The following LPCAT2 variants were observed in gnomAD, a reference collection of about 807,000 sequenced individuals.
The protein encoded by LPCAT2 is lysophosphatidylcholine acyltransferase 2.
A neutral mutation model predicts 64.7 loss-of-function variants in LPCAT2; 58 were observed. The observed-to-expected ratio is 0.90, with a 90% confidence interval of 0.73 to 1.12. LPCAT2 has a LOEUF of 1.12. Among genes scored for constraint, LPCAT2 ranks in the 50% most tolerant of loss-of-function variants. LPCAT2 has a pLI of 0.00. For synonymous variants in LPCAT2, 252 were observed against 245.3 expected (o/e 1.03, Z -0.26); for missense variants, 579 against 669.8 (o/e 0.86, Z 1.50).
chr16:55,539,221 A>G (rs1215484738), intron 8 of LPCAT2: 1 of 141,890 alleles, frequency 7.0e-6, no homozygotes, highest in Non-Finnish European at 1.5e-5. Context: ...CATTATTACC[A>G]CATTTCCTTT....
chr16:55,517,758 G>T (rs1470762877), intron 1 of LPCAT2, among the ~76,000 whole-genome samples: 3 of 152,096 alleles, frequency 2.0e-5, no homozygotes, highest in Non-Finnish European at 2.9e-5. Context: ...AAAACGATTT[G>T]ACTCACTTTC....
intron 11 of LPCAT2, among the ~76,000 whole-genome samples, chr16:55,560,900 C>T (rs1408114607): frequency 6.6e-6 from 1 of 151,860 alleles, no homozygotes; most frequent in East Asian, 1.9e-4. Context: ...GTTGTGCAGT[C>T]ATCAACTTTC....
chr16:55,515,758 A>G (rs1963001834), intron 1 of LPCAT2, among the ~76,000 whole-genome samples: 1 of 152,208 alleles, frequency 6.6e-6, no homozygotes, highest in African/African-American at 2.4e-5. Context: ...TTTGTATACT[A>G]TTGAAATTAA....
chr16:55,535,737 C>T (rs1409898134), intron 7 of LPCAT2, among the ~76,000 whole-genome samples: 2 of 152,180 alleles, frequency 1.3e-5, no homozygotes, highest in African/African-American at 4.8e-5. Flanking sequence ...CATACTTCCA[C>T]TTTCTGAGGT....
At chr16:55,556,563 G>A (rs1051973967) in intron 11 of LPCAT2, among the ~76,000 whole-genome samples, 6 of 152,154 alleles carry the variant, frequency 3.9e-5, no homozygotes, top group Admixed American at 2.6e-4. Flanking sequence ...AGATCACGAG[G>A]TCAGGAGATC....
chr16:55,521,783 C>T (rs1011209826), intron 1 of LPCAT2, among the ~76,000 whole-genome samples: 1 of 151,596 alleles, frequency 6.6e-6, no homozygotes, highest in Non-Finnish European at 1.5e-5. Context: ...ACTCACCTGA[C>T]AAAATTCAAT....
intron 11 of LPCAT2, among the ~76,000 whole-genome samples, chr16:55,553,892 G>T (rs1445078175): frequency 6.6e-6 from 1 of 152,166 alleles, no homozygotes; most frequent in Non-Finnish European, 1.5e-5. Context: ...GTGTTAGCAG[G>T]CATGAAAACA....
At position 55,558,327 on chromosome 16, in the gene LPCAT2, G is replaced by T. The variant is rs59114646; in HGVS notation, c.1215+7225G>T. Among the ~76,000 whole-genome samples, 205 of 152,318 alleles carry T rather than the reference G, an allele frequency of 1.3e-3. 1 individual carries two copies. The highest frequency in any genetic ancestry group is 4.9e-3 in the African/African-American group (202 of 41,566). On this transcript the variant is annotated intron_variant, in intron 11 of 13. Coordinates refer to ENST00000262134, the MANE Select transcript of LPCAT2 (RefSeq NM_017839.5). ...ATTTTTACAGTTATAACAATGTCTT[G>T]CAATGTCCAAACAGCATCATTGTTC... is the stretch of plus-strand genomic sequence containing the variant.
At chr16:55,522,495 A>G (rs1354199439) in intron 1 of LPCAT2, among the ~76,000 whole-genome samples, 5 of 151,696 alleles carry the variant, frequency 3.3e-5, no homozygotes, top group African/African-American at 1.2e-4. Context: ...TAAAACTTAT[A>G]TGGAAATGCA....
rs1300603835 is a variant in LPCAT2, at chr16:55,586,264, T to TA, written c.*3168dup. ...ATTTACTGTAACTCTTGTTTCTAGG[T>TA]AATCGTTCTCTCTCAACAAACTTCT... On this transcript the variant is annotated 3_prime_UTR_variant, in exon 14 of 14. Coordinates refer to ENST00000262134, the MANE Select transcript of LPCAT2 (RefSeq NM_017839.5). 6.6e-6 allele frequency: 1 copy of TA among 152,156 alleles called. No individual in the cohort carries two copies. The highest frequency in any genetic ancestry group is 1.9e-4 in the East Asian group (1 of 5,178). 9.4% of individuals were successfully genotyped at this position (152,156 alleles called of 1,614,324 possible).
In LPCAT2 at chr16:55,512,673, C is replaced by T. The variant is rs1962949909; in HGVS notation, c.171+3321C>T. Among the ~76,000 whole-genome samples, 4 of 152,186 alleles carry T rather than the reference C, an allele frequency of 2.6e-5. No homozygotes were observed. In the South Asian group the frequency reaches 8.3e-4, roughly 32 times the overall value. ...CTGAGCTGTGTATTTACAAAGGAGC[C>T]TTCAAGGACTCTGGAGGAAAGTAAC... On this transcript the variant is annotated intron_variant, in intron 1 of 13. Transcript: ENST00000262134.
At chr16:55,556,279 G>A (rs1011853978) in intron 11 of LPCAT2, among the ~76,000 whole-genome samples, 27 of 152,084 alleles carry the variant, frequency 1.8e-4, no homozygotes, top group African/African-American at 5.8e-4. Flanking sequence ...AACTAGTGAC[G>A]GGAAGGAATA....
chr16:55,578,120 T>C (rs7205660), intron 12 of LPCAT2, among the ~76,000 whole-genome samples: 83,681 of 151,956 alleles, frequency 0.55, 23,444 homozygotes, highest in East Asian at 0.73. Context: ...GCTGCTGCTT[T>C]TAAGCCTTTT....
chr16:55,549,435 A>G (rs1250956667), intron 10 of LPCAT2, 33 bp downstream of exon 10: 1 of 1,558,090 alleles, frequency 6.4e-7, no homozygotes, highest in Admixed American at 2.1e-5. Flanking sequence ...ACACTTTCAT[A>G]AAGTTGTCCA....
intron 11 of LPCAT2, among the ~76,000 whole-genome samples, chr16:55,564,135 A>G (rs1297593258): frequency 6.6e-6 from 1 of 151,966 alleles, no homozygotes; most frequent in Non-Finnish European, 1.5e-5. Context: ...ACTTAGGAAT[A>G]GACTTCAAGA....
At chr16:55,518,172 A>G (rs1259877394) in intron 1 of LPCAT2, among the ~76,000 whole-genome samples, 2 of 152,356 alleles carry the variant, frequency 1.3e-5, no homozygotes, top group Non-Finnish European at 2.9e-5. Context: ...TGAAATTTAA[A>G]AACAGTTCGA....
In LPCAT2 at chr16:55,557,271, GTCTC is replaced by G. The variant is rs527830880; in HGVS notation, c.1215+6179_1215+6182del. On this transcript the variant is annotated intron_variant, in intron 11 of 13. Transcript: ENST00000262134. The stretch of plus-strand genomic sequence containing the variant: ...TCTGTCTCTCTATCTCTCTGTCTCT[GTCTC>G]TCTCTCTCTGTCTTCTTCTCTCTCT... 1.5e-4 allele frequency among the ~76,000 whole-genome samples: 23 copies of G among 149,828 alleles called. No individual in the cohort carries two copies. The East Asian group carries it at 2.8e-3, about 18-fold the overall frequency.
chr16:55,539,629 A>C (rs1297732896), intron 8 of LPCAT2: 1 of 152,146 alleles, frequency 6.6e-6, no homozygotes, highest in Non-Finnish European at 1.5e-5. Flanking sequence ...CCCTTCAGGC[A>C]CTAAGTATAC....
chr16:55,567,841 ATTATTGTTG>A (rs1294432112), intron 11 of LPCAT2, among the ~76,000 whole-genome samples: 6 of 152,248 alleles, frequency 3.9e-5, no homozygotes, highest in South Asian at 4.1e-4. Flanking sequence ...TAGGAACTTT[ATTATTGTTG>A]TTATTGTTGT....
Sources: allele counts gnomAD v4.1 joint callset (sites outside exome capture counted in the v4.1 genomes callset), GRCh38; gene constraint gnomAD v4.1.1; transcripts MANE v1.5; gene names NCBI Gene and HGNC (gene_info 2026-07-23, HGNC 2026-07-21).